The following STX3 variants were observed in gnomAD, a reference collection of about 807,000 sequenced individuals.
The protein encoded by STX3 is syntaxin 3, also known as syntaxin-3.
STX3 carries 19 observed loss-of-function variants against 40.2 expected under a neutral mutation model. The observed-to-expected ratio is 0.47, with a 90% confidence interval of 0.33 to 0.69. The LOEUF (loss-of-function observed/expected upper bound fraction) is 0.69, where lower values mean the gene tolerates loss of function less well. STX3 is among the 30% of genes least tolerant of loss of function. The probability of loss-of-function intolerance (pLI) is 0.02; values close to 1 mark genes in which losing one functional copy is unlikely to be tolerated. For missense variants in STX3, 364 were observed against 366.7 expected (o/e 0.99, Z 0.06); for synonymous variants, 122 against 132.2 (o/e 0.92, Z 0.53).
Position 59,778,831 on chromosome 11 carries a change from CTTTTTTTTTTT to C in STX3, c.114+5546_114+5556del, listed in dbSNP as rs112512362. Among the ~76,000 whole-genome samples, 5 of 125,778 alleles carry C rather than the reference CTTTTTTTTTTT, an allele frequency of 4.0e-5. No individual in the cohort carries two copies. In the South Asian group the frequency reaches 7.6e-4, roughly 19 times the overall value. 82.5% of individuals were successfully genotyped at this position (125,778 alleles called of 152,430 possible). ...AGGATGAAAGTTTTCTTTTCTTTTC[CTTTTTTTTTTT>C]TTTTTTTTGGGGATGAAGTTTCGCT... On this transcript the variant is annotated intron_variant, in intron 2 of 10. Coordinates refer to ENST00000337979, the MANE Select transcript of STX3 (RefSeq NM_004177.5).
chr11:59,787,231 G>T, intron 3 of STX3, 95 bp downstream of exon 3: 1 of 1,071,780 alleles, frequency 9.3e-7, no homozygotes, highest in Non-Finnish European at 1.4e-6. Context: ...CAGTAGGGAA[G>T]TGTACAAGTT....
At chr11:59,789,052 C>A in intron 4 of STX3, 105 bp downstream of exon 4, 1 of 983,788 alleles carries the variant, frequency 1.0e-6, no homozygotes, top group Non-Finnish European at 1.5e-6. Context: ...GAAGTGACAC[C>A]ACTTGGTCCA....
At chr11:59,769,317 C>T (rs1488351085) in intron 1 of STX3, among the ~76,000 whole-genome samples, 1 of 152,084 alleles carries the variant, frequency 6.6e-6, no homozygotes, top group African/African-American at 2.4e-5. Context: ...TGATGACTCA[C>T]AGGGGATTCT....
chr11:59,783,451 G>T (rs1380571055), intron 2 of STX3, among the ~76,000 whole-genome samples: 1 of 152,166 alleles, frequency 6.6e-6, no homozygotes, highest in Admixed American at 6.5e-5. Context: ...GATGATGATG[G>T]TAGCCTCATA....
At chr11:59,767,873 A>T (rs943323923) in intron 1 of STX3, among the ~76,000 whole-genome samples, 1 of 152,038 alleles carries the variant, frequency 6.6e-6, no homozygotes, top group Non-Finnish European at 1.5e-5. Context: ...TTCAACCTCA[A>T]CGTTTCCCTT....
At position 59,793,406 on chromosome 11, in the gene STX3, A is replaced by G; in HGVS notation, c.567A>G (p.Gln189=). The G allele has an allele frequency of 6.2e-7, 1 of 1,614,136 alleles. No individual in the cohort carries two copies. Among genetic ancestry groups the G allele is most frequent in the South Asian group, 1.1e-5 (1 of 91,064 alleles). ...TCATTGACTCACAGATTTCCAAGCA[A>G]GCCCTCAGTGAGATTGAGGGACGAC... is the stretch of plus-strand genomic sequence containing the variant. The part of the protein sequence containing the change: ...SGIIDSQISK[Q]ALSEIEGRHK... The change falls in exon 8 of 11, where the codon CAA becomes CAG. Residue 189 remains glutamine (Q), a synonymous_variant. Transcript: ENST00000337979.
At chr11:59,755,828 T>C (rs1185274678) in intron 1 of STX3, among the ~76,000 whole-genome samples, 193 bp downstream of exon 1, 4 of 152,244 alleles carry the variant, frequency 2.6e-5, no homozygotes, top group African/African-American at 9.6e-5. Flanking sequence ...CGGTGATTCA[T>C]CGCTAGGCAA....
chr11:59,797,417 T>C, intron 10 of STX3, 21 bp downstream of exon 10: 1 of 1,583,884 alleles, frequency 6.3e-7, no homozygotes, highest in Non-Finnish European at 8.6e-7. Flanking sequence ...GAGTGGTTCT[T>C]GGGGACTCTG....
At chr11:59,756,060 C>T (rs1013454717) in intron 1 of STX3, among the ~76,000 whole-genome samples, 11 of 152,158 alleles carry the variant, frequency 7.2e-5, no homozygotes, top group African/African-American at 2.4e-4. Context: ...GGGAGCAGCT[C>T]AGAGCTCTCT....
intron 1 of STX3, among the ~76,000 whole-genome samples, chr11:59,761,027 C>G (rs532699310): frequency 6.6e-6 from 1 of 152,174 alleles, no homozygotes; most frequent in African/African-American, 2.4e-5. Flanking sequence ...TTTTCTTGCT[C>G]CATTCCCTGT....
rs141501577 is a variant in STX3, at chr11:59,772,946, C to T, written c.31-265C>T. 3.1e-3 allele frequency among the ~76,000 whole-genome samples: 468 copies of T among 148,968 alleles called. 2 individuals are homozygous for T. The highest frequency in any genetic ancestry group is 4.4e-3 in the Non-Finnish European group (299 of 67,662). ...AAGATAGGTAACTTGCCAGTTCCTCCCTTTCTCACCCCTCACCCCCTGAAA... is the reference window on the plus strand; with the variant it reads ...AAGATAGGTAACTTGCCAGTTCCTCTCTTTCTCACCCCTCACCCCCTGAAA... On this transcript the variant is annotated intron_variant, in intron 1 of 10. Coordinates refer to ENST00000337979, the MANE Select transcript of STX3 (RefSeq NM_004177.5).
chr11:59,789,979 C>A (rs1307385673), intron 4 of STX3, among the ~76,000 whole-genome samples: 1 of 152,150 alleles, frequency 6.6e-6, no homozygotes, highest in Admixed American at 6.5e-5. Flanking sequence ...TTGGTGCATG[C>A]ATGCTATTGA....
chr11:59,793,277 A>T (rs1590821287), intron 7 of STX3, 103 bp from the exon 8 acceptor site: 11 of 1,606,106 alleles, frequency 6.8e-6, no homozygotes, highest in Admixed American at 6.7e-5. Flanking sequence ...AGGTGCAGGG[A>T]GTTCAGGGAG....
chr11:59,800,379 G>C, intron 10 of STX3: 2 of 985,294 alleles, frequency 2.0e-6, no homozygotes, highest in Non-Finnish European at 2.4e-6. Flanking sequence ...ACTTGCCCAA[G>C]ACTACATAGC....
intron 1 of STX3, among the ~76,000 whole-genome samples, chr11:59,772,201 G>A (rs146904066): frequency 1.3e-5 from 2 of 152,218 alleles, no homozygotes; most frequent in South Asian, 4.1e-4. Context: ...GGTGTGGGGG[G>A]TTTATCCCCT....
At chr11:59,787,851 C>A (rs1202424375) in intron 3 of STX3, among the ~76,000 whole-genome samples, 3 of 152,194 alleles carry the variant, frequency 2.0e-5, no homozygotes, top group Admixed American at 2.0e-4. Context: ...TTTTTGGTTC[C>A]TTAAGAACAG....
In STX3 at chr11:59,792,190, G is replaced by A. The variant is rs1283106582; in HGVS notation, c.441G>A (p.Gly147=). ...AQVDFRERSK[G]RIQRQLEITG... is the part of the protein sequence containing the mutation. ...TGGACTTCCGAGAACGCAGCAAAGGGCGAATCCAGCGGCAGCTCGAAATTA... is the reference window on the plus strand; with the variant it reads ...TGGACTTCCGAGAACGCAGCAAAGGACGAATCCAGCGGCAGCTCGAAATTA... Residue 147 remains glycine (G), a synonymous_variant, in exon 6 of 11, where the codon GGG becomes GGA. Transcript: ENST00000337979. The A allele has an allele frequency of 1.2e-6, 2 of 1,614,016 alleles. No homozygotes were observed. The highest frequency in any genetic ancestry group is 1.7e-5 in the Admixed American group (1 of 60,020).
At chr11:59,773,359 T>G in intron 2 of STX3, 65 bp downstream of exon 2, 1 of 1,550,736 alleles carries the variant, frequency 6.4e-7, no homozygotes, top group Non-Finnish European at 8.9e-7. Context: ...TTAGTAAGAA[T>G]AAAAAACCTT....
At chr11:59,787,708 A>G (rs954943955) in intron 3 of STX3, among the ~76,000 whole-genome samples, 13 of 152,178 alleles carry the variant, frequency 8.5e-5, no homozygotes, top group African/African-American at 3.1e-4. Flanking sequence ...CCATACATAA[A>G]ATACACTAAC....
Sources: gnomAD v4.1 joint callset for allele counts (sites outside exome capture counted in the v4.1 genomes callset) on GRCh38, gnomAD v4.1.1 for gene constraint, MANE v1.5 for transcripts, NCBI Gene and HGNC (gene_info 2026-07-23, HGNC 2026-07-21) for gene names.